The following USP15 variants were observed in gnomAD, a reference collection of about 807,000 sequenced individuals.
USP15 encodes ubiquitin carboxyl-terminal hydrolase 15.
In USP15, 18 loss-of-function variants were observed where a neutral mutation model predicts 127.1. The observed-to-expected ratio is 0.14, with a 90% CI of 0.10 to 0.21. The LOEUF (loss-of-function observed/expected upper bound fraction) is 0.21, where lower values mean the gene tolerates loss of function less well. Ranked by LOEUF, USP15 falls within the 10% of genes least tolerant of loss-of-function variation. USP15 has a pLI of 1.00. For missense variants in USP15, 805 were observed against 1,159.9 expected, an observed-to-expected ratio of 0.69 and a Z score of 4.44; for synonymous variants, 364 against 393.7, an observed-to-expected ratio of 0.92 and a Z score of 0.89.
chr12:62,335,253 C>CA (rs2065426105), intron 6 of USP15: 1 of 1,525,122 alleles, frequency 6.6e-7, no homozygotes, highest in East Asian at 2.4e-5. Context: ...TTATCATCCA[C>CA]AGACTGACCA....
chr12:62,331,786 AT>A (rs761735430), intron 6 of USP15, among the ~76,000 whole-genome samples: 18 of 152,340 alleles, frequency 1.2e-4, no homozygotes, highest in South Asian at 4.1e-4. Flanking sequence ...TACAAAAAAA[AT>A]ATGTGTATAT....
At chr12:62,389,373 A>G in intron 11 of USP15, 58 bp from the exon 12 acceptor site, 1 of 1,448,232 alleles carries the variant, frequency 6.9e-7, no homozygotes, top group Non-Finnish European at 9.4e-7. Flanking sequence ...GGTCACTCTC[A>G]TTTACTGAAT....
At chr12:62,299,772 A>T (rs1055070848) in intron 2 of USP15, among the ~76,000 whole-genome samples, 64 of 152,176 alleles carry the variant, frequency 4.2e-4, no homozygotes, top group Admixed American at 4.6e-4. Context: ...GCATCCTTTT[A>T]CATCATTGCT....
At chr12:62,393,324 T>A (rs1302550343) in intron 19 of USP15, 122 bp downstream of exon 19, 2 of 1,213,858 alleles carry the variant, frequency 1.6e-6, no homozygotes, top group Non-Finnish European at 1.1e-6. Flanking sequence ...GCTTTCAAGT[T>A]TGTTTTTGAG....
At chr12:62,342,288 G>A (rs1308457512) in intron 6 of USP15, among the ~76,000 whole-genome samples, 1 of 152,004 alleles carries the variant, frequency 6.6e-6, no homozygotes, top group East Asian at 1.9e-4. Flanking sequence ...CGCTAAACTG[G>A]TTATTGTAGT....
intron 8 of USP15, among the ~76,000 whole-genome samples, chr12:62,373,828 T>G (rs747758987): frequency 3.3e-5 from 5 of 151,914 alleles, no homozygotes; most frequent in Non-Finnish European, 7.4e-5. Context: ...TTCCCTTTCT[T>G]AGAAAAAATA....
intron 6 of USP15, chr12:62,335,132 A>G: frequency 6.5e-7 from 1 of 1,533,054 alleles, no homozygotes; most frequent in Non-Finnish European, 8.7e-7. Flanking sequence ...TTAATGTATG[A>G]TATTCTTAGC....
At chr12:62,369,107 A>G (rs187411187) in intron 8 of USP15, among the ~76,000 whole-genome samples, 2 of 152,332 alleles carry the variant, frequency 1.3e-5, no homozygotes, top group East Asian at 3.9e-4. Context: ...TGAGGTAGAC[A>G]TATAAATAAG....
intron 1 of USP15, among the ~76,000 whole-genome samples, chr12:62,275,612 G>T (rs2063471092): frequency 6.6e-6 from 1 of 152,088 alleles, no homozygotes; most frequent in African/African-American, 2.4e-5. Context: ...GAGAAAATAC[G>T]AGAGTTGAGA....
intron 8 of USP15, among the ~76,000 whole-genome samples, chr12:62,359,564 C>T (rs1427952497): frequency 3.3e-5 from 5 of 152,078 alleles, no homozygotes; most frequent in South Asian, 4.1e-4. Context: ...AGCAGAATGA[C>T]TCTGGAAAGA....
intron 2 of USP15, among the ~76,000 whole-genome samples, chr12:62,296,297 T>C (rs975672099): frequency 6.6e-6 from 1 of 152,180 alleles, no homozygotes; most frequent in Non-Finnish European, 1.5e-5. Context: ...ACAAATCCAT[T>C]TGGGCCCTCC....
chr12:62,380,300 C>T (rs973995476), intron 8 of USP15, among the ~76,000 whole-genome samples: 4 of 151,732 alleles, frequency 2.6e-5, no homozygotes, highest in Non-Finnish European at 5.9e-5. Flanking sequence ...ATAATTGAAA[C>T]CACAAAATTG....
At chr12:62,324,569 C>A (rs977516769) in intron 5 of USP15, among the ~76,000 whole-genome samples, 2 of 151,748 alleles carry the variant, frequency 1.3e-5, no homozygotes, top group African/African-American at 4.8e-5. Flanking sequence ...GAATGAAAAT[C>A]AGAAAATTGA....
intron 8 of USP15, among the ~76,000 whole-genome samples, chr12:62,376,465 G>A (rs2066831927): frequency 6.6e-6 from 1 of 152,054 alleles, no homozygotes; most frequent in African/African-American, 2.4e-5. Flanking sequence ...TTTGGACCTT[G>A]TTATATTAGT....
In USP15 at chr12:62,404,227, A is replaced by G. The variant is rs201239312; in HGVS notation, c.2798A>G (p.Gln933Arg). ...KAAYVLFYQR[Q>R]DTFSGTGFFP... ...GCATATGTACTCTTCTACCAGAGAC[A>G]AGACACTTTCAGTGGAACTGGCTTT... The change falls in exon 22 of 22, where the codon CAA becomes CGA. Residue 933 changes from glutamine to arginine, a missense_variant. By Grantham distance (43) the Gln-to-Arg change is conservative (BLOSUM62 1). Around this residue, in one of 11 missense-constraint regions of USP15, gnomAD observed 116 missense variants for 157.2 expected, o/e 0.74. Coordinates refer to ENST00000280377, the MANE Select transcript of USP15 (RefSeq NM_001252078.2). 1.2e-4 allele frequency: 189 copies of G among 1,613,114 alleles called. No individual in the cohort carries two copies. The highest frequency in any genetic ancestry group is 1.5e-4 in the Admixed American group (9 of 59,980).
chr12:62,292,570 G>A (rs903613104), intron 1 of USP15, among the ~76,000 whole-genome samples: 1 of 152,222 alleles, frequency 6.6e-6, no homozygotes, highest in Non-Finnish European at 1.5e-5. Flanking sequence ...AGCAGTGGGT[G>A]GAGGGGGAGG....
intron 6 of USP15, among the ~76,000 whole-genome samples, chr12:62,337,221 A>T (rs2065494288): frequency 6.6e-6 from 1 of 152,202 alleles, no homozygotes; most frequent in Non-Finnish European, 1.5e-5. Flanking sequence ...TTCCTTAAAG[A>T]CACAGCCTTC....
At chr12:62,307,965 G>T (rs1317359371) in intron 3 of USP15, among the ~76,000 whole-genome samples, 1 of 151,948 alleles carries the variant, frequency 6.6e-6, no homozygotes, top group Non-Finnish European at 1.5e-5. Flanking sequence ...ATAGTATATT[G>T]TTCTAATTGT....
At chr12:62,364,791 T>TA (rs1346372078) in intron 8 of USP15, among the ~76,000 whole-genome samples, 2 of 152,018 alleles carry the variant, frequency 1.3e-5, no homozygotes, top group African/African-American at 4.8e-5. Context: ...AACTCCCACT[T>TA]ATGAGTGAGA....
Sources: gnomAD v4.1 joint callset for allele counts (sites outside exome capture counted in the v4.1 genomes callset) on GRCh38, gnomAD v4.1.1 for gene constraint, gnomAD v4.1.1 regional missense constraint, MANE v1.5 for transcripts, NCBI Gene and HGNC (gene_info 2026-07-23, HGNC 2026-07-21) for gene names.